The following COPG2 variants were observed in gnomAD, a reference collection of about 807,000 sequenced individuals.
The protein encoded by COPG2 is coatomer subunit gamma-2.
COPG2 carries 37 observed loss-of-function variants against 46.3 expected under a neutral mutation model. That is an observed-to-expected ratio of 0.80 (90% CI 0.61 to 1.05). The LOEUF is 1.05. COPG2 is among the 50% of genes least tolerant of loss of function. The pLI, the probability that COPG2 is intolerant of heterozygous loss-of-function variation, is 0.00. For missense variants in COPG2, 427 were observed against 387.8 expected (o/e 1.10, Z -0.85); for synonymous variants, 159 against 129.7 (o/e 1.23, Z -1.53).
Position 130,555,180 on chromosome 7 carries a change from CA to C in COPG2, c.1129-49del. On this transcript the variant is annotated intron_variant, in intron 12 of 23. Coordinates refer to ENST00000425248, the MANE Select transcript of COPG2 (RefSeq NM_012133.6). The stretch of plus-strand genomic sequence containing the variant: ...TTCATTTTTATGACTGTACAACTAC[CA>C]CCTATAAAAAGCAAACAGAGAAAAG... 3 of 397,054 alleles carry C rather than the reference CA, an allele frequency of 7.6e-6. No homozygotes were observed. The East Asian group carries it at 1.1e-4, about 14-fold the overall frequency. 24.6% of individuals were successfully genotyped at this position (397,054 alleles called of 1,614,324 possible).
In COPG2 at chr7:130,548,791, G is replaced by A. The variant is rs994291932; in HGVS notation, c.1838-249C>T. Among the ~76,000 whole-genome samples the A allele has an allele frequency of 1.7e-4, 26 of 152,088 alleles. No homozygotes were observed. In the South Asian group the frequency reaches 3.7e-3, roughly 22 times the overall value. ...AAATTAGTCAGGCGTGGTGGCAGGC[G>A]CCTGTAGTCCCAGCTACTCGGGAGG... On this transcript the variant is annotated intron_variant, in intron 18 of 23. Coordinates refer to ENST00000425248, the MANE Select transcript of COPG2 (RefSeq NM_012133.6).
At chr7:130,602,582 C>T (rs1554450514) in intron 9 of COPG2, among the ~76,000 whole-genome samples, 1 of 152,130 alleles carries the variant, frequency 6.6e-6, no homozygotes, top group East Asian at 1.9e-4. Flanking sequence ...AAGCAATTCT[C>T]CTGCTCAGCC....
intron 5 of COPG2, among the ~76,000 whole-genome samples, chr7:130,617,984 T>A (rs1430436583): frequency 8.0e-5 from 12 of 149,894 alleles, no homozygotes. Context: ...GCCTGTAGTC[T>A]CAGCTACTTG....
chr7:130,549,790 CTTTTGT>C (rs1301829277), intron 17 of COPG2, among the ~76,000 whole-genome samples: 63 of 148,658 alleles, frequency 4.2e-4, no homozygotes, highest in Non-Finnish European at 7.7e-4. Context: ...TTTATGACTT[CTTTTGT>C]TTTTGTTTTT....
intron 20 of COPG2, among the ~76,000 whole-genome samples, chr7:130,530,144 TAAG>T (rs1463428824): frequency 3.2e-4 from 48 of 152,182 alleles, no homozygotes; most frequent in African/African-American, 9.4e-4. Context: ...AAGACCTGTG[TAAG>T]AAGAAGTCTT....
intron 5 of COPG2, among the ~76,000 whole-genome samples, chr7:130,626,400 ATTTTTTTTT>A (rs60484682): frequency 5.0e-5 from 6 of 119,842 alleles, no homozygotes; most frequent in East Asian, 2.4e-4. Flanking sequence ...CACCAGGCTA[ATTTTTTTTT>A]TTTTTTTTTT....
chr7:130,660,204 G>C (rs559184074), intron 4 of COPG2, among the ~76,000 whole-genome samples: 4 of 152,064 alleles, frequency 2.6e-5, no homozygotes, highest in Non-Finnish European at 5.9e-5. Flanking sequence ...GCTGTACATG[G>C]CTACTTACCT....
intron 20 of COPG2, among the ~76,000 whole-genome samples, chr7:130,532,398 G>A (rs1285738470): frequency 6.6e-6 from 1 of 152,128 alleles, no homozygotes; most frequent in Non-Finnish European, 1.5e-5. Context: ...GCGCAAAGGG[G>A]AATGGAGACA....
intron 3 of COPG2, among the ~76,000 whole-genome samples, chr7:130,666,422 A>G (rs551497511): frequency 6.6e-6 from 1 of 152,338 alleles, no homozygotes; most frequent in East Asian, 1.9e-4. Flanking sequence ...GATCTCATGA[A>G]TAAAAAGGAA....
chr7:130,537,393 C>A (rs1461860659), intron 20 of COPG2, among the ~76,000 whole-genome samples: 3 of 149,384 alleles, frequency 2.0e-5, no homozygotes, highest in Non-Finnish European at 3.0e-5. Flanking sequence ...GGTGCGGGGC[C>A]AGGTCAAGAA....
chr7:130,628,614 C>T (rs1554454650), intron 5 of COPG2, among the ~76,000 whole-genome samples: 2 of 152,214 alleles, frequency 1.3e-5, no homozygotes, highest in African/African-American at 4.8e-5. Flanking sequence ...TGATTTTGCC[C>T]TGGCTTGTTT....
intron 9 of COPG2, among the ~76,000 whole-genome samples, chr7:130,568,014 C>G (rs2116411412): frequency 6.6e-6 from 1 of 152,300 alleles, no homozygotes; most frequent in South Asian, 2.1e-4. Context: ...TGCGGTGACT[C>G]ACACCTGTAA....
At chr7:130,540,500 G>A (rs1326094800) in intron 20 of COPG2, among the ~76,000 whole-genome samples, 1 of 152,088 alleles carries the variant, frequency 6.6e-6, no homozygotes, top group Non-Finnish European at 1.5e-5. Context: ...AGTCCTATCA[G>A]GTGGGAGGAC....
chr7:130,595,988 C>T (rs1264777075), intron 9 of COPG2, among the ~76,000 whole-genome samples: 1 of 152,216 alleles, frequency 6.6e-6, no homozygotes, highest in Non-Finnish European at 1.5e-5. Context: ...GCCGTAGTGC[C>T]TCTGCTTCCT....
intron 20 of COPG2, among the ~76,000 whole-genome samples, chr7:130,535,621 C>G (rs907808875): frequency 8.8e-6 from 1 of 113,390 alleles, no homozygotes; most frequent in African/African-American, 3.3e-5. Context: ...ACTACGGATC[C>G]GGCAGGGAAG....
At chr7:130,571,323 T>A (rs917699991) in intron 9 of COPG2, among the ~76,000 whole-genome samples, 6 of 152,050 alleles carry the variant, frequency 3.9e-5, no homozygotes, top group African/African-American at 1.4e-4. Context: ...ATCCAGAAAC[T>A]ACAAGGACCT....
chr7:130,575,957 G>A (rs548856996), intron 9 of COPG2, among the ~76,000 whole-genome samples: 22 of 152,312 alleles, frequency 1.4e-4, no homozygotes, highest in Non-Finnish European at 2.8e-4. Flanking sequence ...AGCAACAGCA[G>A]TTAAAAGAGA....
At position 130,651,494 on chromosome 7, in the gene COPG2, A is replaced by ATTTTTTTTTT. The variant is rs59572019; in HGVS notation, c.323+1365_323+1374dup. Reference sequence around the variant, plus strand: ...ACCAATGCCTGGCTAATTTTTTTGTATTTTTTTTTTTTTTTTTTTTTTTTT... The same window carrying ATTTTTTTTTT: ...ACCAATGCCTGGCTAATTTTTTTGTATTTTTTTTTTTTTTTTTTTTTTTTTTTTTTTTTTT... On this transcript the variant is annotated intron_variant, in intron 5 of 23. Transcript: ENST00000425248. Among the ~76,000 whole-genome samples, 173 of 57,262 alleles carry ATTTTTTTTTT rather than the reference A, an allele frequency of 3.0e-3. 3 individuals are homozygous for ATTTTTTTTTT. Among genetic ancestry groups the ATTTTTTTTTT allele is most frequent in the East Asian group, 3.9e-3 (7 of 1,804 alleles). The allele number at this position is 57,262 out of a possible 152,430, so 37.6% of individuals were successfully genotyped here.
intron 11 of COPG2, 115 bp from the exon 12 acceptor site, chr7:130,561,336 T>A (rs1483125850): frequency 5.8e-5 from 23 of 396,954 alleles, no homozygotes; most frequent in African/African-American, 4.1e-4. Context: ...TAAAAGTAAT[T>A]GCTTCAAAAA....
Sources: allele counts gnomAD v4.1 joint callset (sites outside exome capture counted in the v4.1 genomes callset), GRCh38; gene constraint gnomAD v4.1.1; transcripts MANE v1.5; gene names NCBI Gene and HGNC (gene_info 2026-07-23, HGNC 2026-07-21).